The following SPIRE1 variants were observed in gnomAD, a reference collection of about 807,000 sequenced individuals.
SPIRE1 encodes spire type actin nucleation factor 1, also known as protein spire homolog 1.
In SPIRE1, 40 loss-of-function variants were observed where a neutral mutation model predicts 94.1. The observed-to-expected ratio is 0.43, with a 90% CI of 0.33 to 0.55. The LOEUF (loss-of-function observed/expected upper bound fraction) is 0.55. SPIRE1 is among the 20% of genes least tolerant of loss of function. SPIRE1 has a pLI of 0.06. For synonymous variants in SPIRE1, 376 were observed against 371.7 expected, an observed-to-expected ratio of 1.01 and a Z score of -0.13; for missense variants, 838 against 975.2, an observed-to-expected ratio of 0.86 and a Z score of 1.87.
At position 12,493,172 on chromosome 18, in the gene SPIRE1, T is replaced by C. The variant is rs1598929245; in HGVS notation, c.1089A>G (p.Pro363=). The C allele has an allele frequency of 9.9e-6, 16 of 1,613,026 alleles. No homozygotes were observed. Among genetic ancestry groups the C allele is most frequent in the Non-Finnish European group, 1.4e-5 (16 of 1,179,802 alleles). The change falls in exon 8 of 17, where the codon CCA becomes CCG. Residue 363 remains proline (P), a synonymous_variant. Coordinates refer to ENST00000409402, the MANE Select transcript of SPIRE1 (RefSeq NM_001128626.2). ...TTTCATGGAGGCTCCGTGGCCGTGG[T>C]GGAGTTGGTTTCAGTTTTCTGGCTG... ...PVSARKLKPT[P]PRPRSLHERI...
intron 14 of SPIRE1, 49 bp downstream of exon 14, chr18:12,453,019 C>G (rs1450992409): frequency 1.6e-6 from 2 of 1,227,176 alleles, no homozygotes; most frequent in East Asian, 2.4e-5. Flanking sequence ...ATTGGTATTT[C>G]TCTTACGACT....
intron 2 of SPIRE1, among the ~76,000 whole-genome samples, chr18:12,602,340 C>T (rs1189243918): frequency 6.6e-6 from 1 of 152,122 alleles, no homozygotes; most frequent in African/African-American, 2.4e-5. Flanking sequence ...CCTTTTGGCA[C>T]AAGAAATCTT....
At chr18:12,552,872 G>A (rs904317162) in intron 2 of SPIRE1, among the ~76,000 whole-genome samples, 3 of 152,128 alleles carry the variant, frequency 2.0e-5, no homozygotes, top group South Asian at 2.1e-4. Flanking sequence ...CTCGGTGTCT[G>A]AGGGGTTTTG....
intron 1 of SPIRE1, among the ~76,000 whole-genome samples, chr18:12,643,787 G>A (rs1040661363): frequency 6.6e-6 from 1 of 151,956 alleles, no homozygotes; most frequent in Non-Finnish European, 1.5e-5. Context: ...ACTATATATA[G>A]TCAAGAAATA....
intron 2 of SPIRE1, among the ~76,000 whole-genome samples, chr18:12,608,222 T>A (rs796557283): frequency 4.6e-5 from 7 of 152,030 alleles, no homozygotes; most frequent in East Asian, 1.9e-4. Flanking sequence ...CCCCAAAAAT[T>A]TTTTTTTAAT....
intron 2 of SPIRE1, among the ~76,000 whole-genome samples, chr18:12,596,376 T>C (rs2036672472): frequency 6.6e-6 from 1 of 152,234 alleles, no homozygotes; most frequent in Non-Finnish European, 1.5e-5. Flanking sequence ...CATTTAATTT[T>C]CTTTTTCACC....
chr18:12,596,135 T>G (rs1185548130), intron 2 of SPIRE1, among the ~76,000 whole-genome samples: 1 of 152,222 alleles, frequency 6.6e-6, no homozygotes, highest in South Asian at 2.1e-4. Context: ...CAAGTCTGAC[T>G]GTGTATGAAT....
At chr18:12,501,940 C>T (rs762731899) in intron 6 of SPIRE1, among the ~76,000 whole-genome samples, 16 of 152,140 alleles carry the variant, frequency 1.1e-4, no homozygotes, top group Non-Finnish European at 1.5e-4. Flanking sequence ...CCAGCCCAGG[C>T]GACAGAGCAA....
intron 16 of SPIRE1, among the ~76,000 whole-genome samples, chr18:12,451,673 C>T (rs901657353): frequency 1.3e-5 from 2 of 152,218 alleles, no homozygotes; most frequent in African/African-American, 2.4e-5. Context: ...AAAGCCCAGC[C>T]TCTCGGCCCT....
At chr18:12,471,657 C>G (rs1411823183) in intron 10 of SPIRE1, among the ~76,000 whole-genome samples, 1 of 152,100 alleles carries the variant, frequency 6.6e-6, no homozygotes, top group Non-Finnish European at 1.5e-5. Context: ...TTCTCATGTA[C>G]CGTGAGAATA....
upstream of SPIRE1, among the ~76,000 whole-genome samples, chr18:12,661,105 C>G (rs575291581): frequency 6.6e-6 from 1 of 151,976 alleles, no homozygotes; most frequent in Non-Finnish European, 1.5e-5. Context: ...GTCAGGAGTT[C>G]GAGACCAGCC....
intron 9 of SPIRE1, among the ~76,000 whole-genome samples, chr18:12,483,253 C>A (rs963551862): frequency 2.2e-4 from 34 of 152,054 alleles, no homozygotes; most frequent in African/African-American, 8.2e-4. Flanking sequence ...AGCCACTGTG[C>A]CCGGAAAACA....
intron 13 of SPIRE1, among the ~76,000 whole-genome samples, chr18:12,454,016 C>A (rs1368540579): frequency 2.6e-5 from 4 of 152,106 alleles, no homozygotes; most frequent in Non-Finnish European, 5.9e-5. Flanking sequence ...ATATCCCAAC[C>A]TCGTGATCTG....
chr18:12,493,723 A>C (rs1272085504), intron 7 of SPIRE1, among the ~76,000 whole-genome samples: 1 of 152,122 alleles, frequency 6.6e-6, no homozygotes, highest in Non-Finnish European at 1.5e-5. Context: ...TGAATGTCTA[A>C]GCTCAAGGGG....
chr18:12,454,259 T>G, intron 13 of SPIRE1, 87 bp downstream of exon 13: 2 of 1,502,074 alleles, frequency 1.3e-6, no homozygotes, highest in Non-Finnish European at 1.8e-6. Context: ...CTGTGCCACC[T>G]GGCTAGCAGA....
intron 10 of SPIRE1, among the ~76,000 whole-genome samples, chr18:12,471,599 G>T (rs376232977): frequency 6.6e-6 from 1 of 152,076 alleles, no homozygotes; most frequent in African/African-American, 2.4e-5. Flanking sequence ...TGGGATTACA[G>T]GCGTGAGCCA....
chr18:12,485,371 C>T (rs1326520764), intron 9 of SPIRE1, among the ~76,000 whole-genome samples: 4 of 152,140 alleles, frequency 2.6e-5, no homozygotes, highest in Non-Finnish European at 5.9e-5. Context: ...TCCCAAAGTG[C>T]TGGGATTACA....
intron 2 of SPIRE1, among the ~76,000 whole-genome samples, chr18:12,596,254 A>G (rs2036668130): frequency 6.6e-6 from 1 of 152,254 alleles, no homozygotes; most frequent in African/African-American, 2.4e-5. Flanking sequence ...CCAAGAAAGA[A>G]GACTAGAGTC....
intron 4 of SPIRE1, among the ~76,000 whole-genome samples, chr18:12,531,277 T>TA (rs753495224): frequency 8.5e-5 from 13 of 152,132 alleles, no homozygotes; most frequent in Non-Finnish European, 1.9e-4. Flanking sequence ...CATCATCCCC[T>TA]AACACCAGCA....
Sources: allele counts gnomAD v4.1 joint callset (sites outside exome capture counted in the v4.1 genomes callset), GRCh38; gene constraint gnomAD v4.1.1; transcripts MANE v1.5; gene names NCBI Gene and HGNC (gene_info 2026-07-23, HGNC 2026-07-21).